Variants in RHOBTB2 observed in about 807,000 individuals in gnomAD.
RHOBTB2 encodes the protein Rho related BTB domain containing 2.
In RHOBTB2, 39 loss-of-function variants were observed where a neutral mutation model predicts 66.5. The ratio of observed to expected loss-of-function variants is 0.59; its 90% CI spans 0.45 to 0.77. The LOEUF is 0.77. RHOBTB2 is among the 30% of genes least tolerant of loss of function. RHOBTB2 has a pLI of 0.00. For missense variants in RHOBTB2, 755 were observed against 999.1 expected (o/e 0.76, Z 3.29); for synonymous variants, 390 against 395.0 (o/e 0.99, Z 0.15).
At chr8:22,955,057 G>A in the RHOBTB2 span, among the ~76,000 whole-genome samples, 1 of 152,140 alleles carries the variant, frequency 6.6e-6, no homozygotes. Flanking sequence ...CTTGAACCAG[G>A]GAGGCAGAGG....
the RHOBTB2 span, among the ~76,000 whole-genome samples, chr8:22,964,061 G>A: frequency 6.6e-6 from 1 of 152,020 alleles, no homozygotes; most frequent in South Asian, 2.1e-4. Flanking sequence ...GATTACAAGC[G>A]TGAGTCACCA....
At chr8:22,981,435 T>C in the RHOBTB2 span, among the ~76,000 whole-genome samples, 20 of 152,374 alleles carry the variant, frequency 1.3e-4, 1 homozygote, top group South Asian at 4.1e-3. Context: ...ACTGCTCTTC[T>C]GTACTTCAGT....
chr8:22,975,937 G>A, the RHOBTB2 span, among the ~76,000 whole-genome samples: 1 of 152,062 alleles, frequency 6.6e-6, no homozygotes, highest in African/African-American at 2.4e-5. Context: ...CATGAGGTCA[G>A]GAGTTCGGGA....
intron 1 of RHOBTB2, among the ~76,000 whole-genome samples, chr8:23,001,594 T>A (rs1012094391): frequency 6.6e-6 from 1 of 152,178 alleles, no homozygotes. Context: ...TAATACCACA[T>A]TACATAAGAA....
At position 23,017,658 on chromosome 8, in the gene RHOBTB2, G is replaced by C; in HGVS notation, c.*189G>C. 1.1e-6 allele frequency: 1 copy of C among 883,786 alleles called. No individual in the cohort carries two copies. Among genetic ancestry groups the C allele is most frequent in the East Asian group, 2.7e-5 (1 of 37,350 alleles). The allele number at this position is 883,786 out of a possible 1,614,324, so 54.7% of individuals were successfully genotyped here. A position where few individuals can be genotyped will look rare whatever the true frequency, so the allele number is the denominator to read the frequency against. On this transcript the variant is annotated 3_prime_UTR_variant, in exon 10 of 10. Coordinates refer to ENST00000251822, the MANE Select transcript of RHOBTB2 (RefSeq NM_015178.3). The surrounding 1 kb of genome is among the most constrained non-coding windows in gnomAD (Gnocchi z 5.3). ...GGAGCTGAGCCCTGTGGAGCAGAACGGGAACCACCTGCAGAGGTCCCCAGA... is the reference window on the plus strand; with the variant it reads ...GGAGCTGAGCCCTGTGGAGCAGAACCGGAACCACCTGCAGAGGTCCCCAGA...
At chr8:23,011,777 A>G (rs752081859) in intron 7 of RHOBTB2, among the ~76,000 whole-genome samples, 7 of 152,184 alleles carry the variant, frequency 4.6e-5, no homozygotes, top group Non-Finnish European at 8.8e-5. Flanking sequence ...CGAGGTTAAT[A>G]TTCTTGCATA....
chr8:22,996,496 G>GGTGTGT (rs777854716), upstream of RHOBTB2, among the ~76,000 whole-genome samples: 13 of 98,814 alleles, frequency 1.3e-4, no homozygotes, highest in Non-Finnish European at 1.8e-4. Context: ...AGAGAGGGCT[G>GGTGTGT]GTGTGTGTGT....
At chr8:22,957,300 A>G in the RHOBTB2 span, among the ~76,000 whole-genome samples, 1 of 152,098 alleles carries the variant, frequency 6.6e-6, no homozygotes, top group African/African-American at 2.4e-5. Context: ...CTTCCACTGT[A>G]AGCTCACTAT....
At chr8:22,969,255 C>T in the RHOBTB2 span, among the ~76,000 whole-genome samples, 22 of 152,290 alleles carry the variant, frequency 1.4e-4, no homozygotes, top group African/African-American at 5.1e-4. Context: ...GGGTAACCCC[C>T]CCACCCCCGC....
chr8:22,959,117 C>A, the RHOBTB2 span, among the ~76,000 whole-genome samples: 1 of 152,252 alleles, frequency 6.6e-6, no homozygotes, highest in South Asian at 2.1e-4. Flanking sequence ...AGGCATCAAC[C>A]AATGCCTCCT....
In RHOBTB2 at chr8:23,020,092, A is replaced by T. The variant is rs1413006390; in HGVS notation, c.*2623A>T. 1 of 369,018 alleles carries T rather than the reference A, an allele frequency of 2.7e-6. No homozygotes were observed. Among genetic ancestry groups the T allele is most frequent in the East Asian group, 7.3e-5 (1 of 13,720 alleles). 22.9% of individuals were successfully genotyped at this position (369,018 alleles called of 1,614,324 possible). A position where few individuals can be genotyped will look rare whatever the true frequency, so the allele number is the denominator to read the frequency against. Reference sequence around the variant, plus strand: ...CTGTCACTCAGAGCTGATTCACAGGAGGAGGGGAGGTTGGGGGGCGGGAGA... The same window carrying T: ...CTGTCACTCAGAGCTGATTCACAGGTGGAGGGGAGGTTGGGGGGCGGGAGA... On this transcript the variant is annotated 3_prime_UTR_variant, in exon 10 of 10. Coordinates refer to ENST00000251822, the MANE Select transcript of RHOBTB2 (RefSeq NM_015178.3).
At chr8:22,958,275 C>G in the RHOBTB2 span, among the ~76,000 whole-genome samples, 2 of 152,128 alleles carry the variant, frequency 1.3e-5, no homozygotes, top group Admixed American at 6.6e-5. Context: ...GAAGAAATTT[C>G]AAATGAAGAT....
chr8:22,999,386 A>G (rs1482777015), upstream of RHOBTB2, among the ~76,000 whole-genome samples: 1 of 150,304 alleles, frequency 6.7e-6, no homozygotes, highest in Non-Finnish European at 1.5e-5. Context: ...GCGAGCCGAG[A>G]CCCTCCCCGC....
chr8:22,953,047 C>T, the RHOBTB2 span, among the ~76,000 whole-genome samples: 4 of 152,182 alleles, frequency 2.6e-5, no homozygotes, highest in Admixed American at 2.6e-4. Context: ...GGAATTGCAT[C>T]CCTTCTCCCC....
At chr8:22,969,965 TG>T in the RHOBTB2 span, among the ~76,000 whole-genome samples, 2 of 152,184 alleles carry the variant, frequency 1.3e-5, no homozygotes, top group African/African-American at 4.8e-5. Context: ...TTGCCCAGGC[TG>T]GTCTTGAACA....
the RHOBTB2 span, among the ~76,000 whole-genome samples, chr8:22,972,715 A>G: frequency 5.8e-4 from 88 of 152,330 alleles, no homozygotes; most frequent in African/African-American, 2.1e-3. Flanking sequence ...TTTCAGACTC[A>G]GTAGATCTGA....
chr8:23,000,913 A>G (rs1343194688), intron 1 of RHOBTB2, among the ~76,000 whole-genome samples: 1 of 151,560 alleles, frequency 6.6e-6, no homozygotes, highest in Non-Finnish European at 1.5e-5. Context: ...TGACAACCAG[A>G]CTAGGGCAGC....
At chr8:22,996,650 C>T (rs1810576110), upstream of RHOBTB2, among the ~76,000 whole-genome samples, 1 of 151,882 alleles carries the variant, frequency 6.6e-6, no homozygotes. Context: ...CCAGGCCTGC[C>T]TTGAGAAGTC....
chr8:22,955,713 G>T, the RHOBTB2 span, among the ~76,000 whole-genome samples: 1 of 151,514 alleles, frequency 6.6e-6, no homozygotes, highest in Non-Finnish European at 1.5e-5. Context: ...GGGACTACAG[G>T]TGTGCACCAC....
Sources: allele counts gnomAD v4.1 joint callset (sites outside exome capture counted in the v4.1 genomes callset), GRCh38; gene constraint gnomAD v4.1.1; non-coding constraint Gnocchi (gnomAD v3.1); transcripts MANE v1.5; gene names NCBI Gene and HGNC (gene_info 2026-07-23, HGNC 2026-07-21).